Variants in VDAC1 observed in about 807,000 individuals in gnomAD.
VDAC1 encodes non-selective voltage-gated ion channel VDAC1.
Under a neutral mutation model 34.7 loss-of-function variants are expected in VDAC1, and 10 were observed. That is an observed-to-expected ratio of 0.29 (90% CI 0.18 to 0.49). VDAC1 has a LOEUF of 0.49. Ranked by LOEUF, VDAC1 falls within the 20% of genes least tolerant of loss-of-function variation. VDAC1 has a pLI of 0.99. For missense variants in VDAC1, 230 were observed against 347.9 expected, an observed-to-expected ratio of 0.66 and a Z score of 2.69; for synonymous variants, 130 against 136.0, an observed-to-expected ratio of 0.96 and a Z score of 0.30.
chr5:134,092,315 C>T, the VDAC1 span, among the ~76,000 whole-genome samples: 1 of 152,172 alleles, frequency 6.6e-6, no homozygotes, highest in African/African-American at 2.4e-5. Context: ...AGAGGCAGAA[C>T]ATCTCACTTC....
chr5:134,012,532 C>T, the VDAC1 span, among the ~76,000 whole-genome samples: 1 of 152,126 alleles, frequency 6.6e-6, no homozygotes, highest in African/African-American at 2.4e-5. Context: ...GGGCAGAGGC[C>T]TGAGAGCTTG....
upstream of VDAC1, among the ~76,000 whole-genome samples, chr5:134,006,094 G>GCC (rs1753743036): frequency 6.6e-6 from 1 of 152,220 alleles, no homozygotes; most frequent in African/African-American, 2.4e-5. Flanking sequence ...CAGAGTGGGA[G>GCC]TGGGGTGCAG....
chr5:134,102,847 G>A, the VDAC1 span, among the ~76,000 whole-genome samples: 41 of 152,112 alleles, frequency 2.7e-4, no homozygotes, highest in Admixed American at 2.4e-3. Flanking sequence ...CTGGGCCTCA[G>A]TTTCCCCTGG....
At chr5:134,078,645 AT>A in the VDAC1 span, among the ~76,000 whole-genome samples, 13 of 78,774 alleles carry the variant, frequency 1.7e-4, no homozygotes, top group African/African-American at 7.5e-4. Flanking sequence ...TCCCTCAAGC[AT>A]CTTTTTTTTT....
rs369894042 is a variant in VDAC1, at chr5:134,001,975, A to G, written c.-7+2920T>C. ...AACTTTTCTCAGTGGCTACCACAGG[A>G]CTCCATGGAAAACCCAAAGCCGCAG... On this transcript the variant is annotated intron_variant, in intron 1 of 8. Coordinates refer to ENST00000265333, the MANE Select transcript of VDAC1 (RefSeq NM_003374.3). Among the ~76,000 whole-genome samples, 255 of 152,074 alleles carry G rather than the reference A, an allele frequency of 1.7e-3. 2 individuals are homozygous for G. Among genetic ancestry groups the G allele is most frequent in the African/African-American group, 6.0e-3 (247 of 41,448 alleles).
chr5:134,105,430 T>A, the VDAC1 span, among the ~76,000 whole-genome samples: 1 of 152,212 alleles, frequency 6.6e-6, no homozygotes, highest in East Asian at 1.9e-4. Flanking sequence ...AGCCGCAGTT[T>A]CCACGTCTGT....
upstream of VDAC1, among the ~76,000 whole-genome samples, chr5:134,005,720 T>C (rs1021412403): frequency 5.9e-5 from 9 of 152,210 alleles, no homozygotes; most frequent in Non-Finnish European, 1.2e-4. Context: ...ACCTCGCTGC[T>C]AGGCCTAAGC....
chr5:134,056,185 G>GAGCCGATA, the VDAC1 span, among the ~76,000 whole-genome samples: 2 of 147,838 alleles, frequency 1.4e-5, no homozygotes, highest in African/African-American at 5.0e-5. Flanking sequence ...AGGTTGCAGT[G>GAGCCGATA]AGCCGATATA....
At chr5:134,040,841 A>AG in the VDAC1 span, among the ~76,000 whole-genome samples, 1 of 152,144 alleles carries the variant, frequency 6.6e-6, no homozygotes, top group South Asian at 2.1e-4. Flanking sequence ...GAAAGGGGTC[A>AG]CTCTAGGAAG....
intron 7 of VDAC1, 96 bp downstream of exon 7, chr5:133,975,775 G>A (rs1410385285): frequency 1.9e-6 from 3 of 1,547,296 alleles, no homozygotes; most frequent in East Asian, 2.3e-5. Flanking sequence ...CTCACTTTGA[G>A]TAAGCTGAAG....
chr5:134,070,985 C>A, the VDAC1 span, among the ~76,000 whole-genome samples: 5 of 152,214 alleles, frequency 3.3e-5, no homozygotes, highest in South Asian at 1.0e-3. Flanking sequence ...GCGTCACCAT[C>A]CCCAGCCGCT....
At chr5:134,045,436 G>C in the VDAC1 span, among the ~76,000 whole-genome samples, 3 of 152,308 alleles carry the variant, frequency 2.0e-5, no homozygotes, top group African/African-American at 7.2e-5. Flanking sequence ...CTTCATTCTG[G>C]AGGCTTTAGG....
the VDAC1 span, among the ~76,000 whole-genome samples, chr5:134,037,359 C>T: frequency 6.6e-6 from 1 of 152,172 alleles, no homozygotes; most frequent in Non-Finnish European, 1.5e-5. Context: ...AAAGTGACAC[C>T]TGCAGGCCAT....
chr5:134,114,056 G>A, the VDAC1 span, among the ~76,000 whole-genome samples: 1 of 152,226 alleles, frequency 6.6e-6, no homozygotes, highest in African/African-American at 2.4e-5. Context: ...CCTGACTGAG[G>A]GGCCCGTCAC....
chr5:133,980,337 T>C (rs1752641885), intron 6 of VDAC1, among the ~76,000 whole-genome samples: 1 of 152,172 alleles, frequency 6.6e-6, no homozygotes, highest in Non-Finnish European at 1.5e-5. Flanking sequence ...GTCTACCATG[T>C]CTACATGTCA....
intron 7 of VDAC1, among the ~76,000 whole-genome samples, chr5:133,974,961 AAAAAC>A (rs1262997640): frequency 8.1e-5 from 12 of 147,316 alleles, no homozygotes; most frequent in Admixed American, 6.8e-5. Context: ...TCTCAAAAAA[AAAAAC>A]AAACAAACAG....
upstream of VDAC1, among the ~76,000 whole-genome samples, chr5:134,006,834 G>A (rs1246160024): frequency 6.6e-6 from 1 of 151,226 alleles, no homozygotes; most frequent in African/African-American, 2.4e-5. Flanking sequence ...AGCTCCCCTA[G>A]GTGCTAGTTT....
chr5:134,111,194 A>G, the VDAC1 span, among the ~76,000 whole-genome samples: 2 of 152,160 alleles, frequency 1.3e-5, no homozygotes, highest in African/African-American at 4.8e-5. Flanking sequence ...GCAGAGATGG[A>G]AACTTAAGAC....
At chr5:134,104,718 G>A in the VDAC1 span, among the ~76,000 whole-genome samples, 4 of 152,230 alleles carry the variant, frequency 2.6e-5, no homozygotes, top group Non-Finnish European at 4.4e-5. Context: ...ACTTGACCAC[G>A]ATGGGGAAAC....
Sources: allele counts gnomAD v4.1 joint callset (sites outside exome capture counted in the v4.1 genomes callset), GRCh38; gene constraint gnomAD v4.1.1; transcripts MANE v1.5; gene names NCBI Gene and HGNC (gene_info 2026-07-23, HGNC 2026-07-21).